The following ELF2 variants were observed in gnomAD, a reference collection of about 807,000 sequenced individuals.
ELF2 encodes ETS-related transcription factor Elf-2.
A neutral mutation model predicts 54.8 loss-of-function variants in ELF2; 11 were observed. That is an observed-to-expected ratio of 0.20 (90% CI 0.13 to 0.33). The LOEUF (loss-of-function observed/expected upper bound fraction) is 0.33. Ranked by LOEUF, ELF2 falls within the 10% of genes least tolerant of loss-of-function variation. The pLI is 1.00. For synonymous variants in ELF2, 203 were observed against 245.1 expected (o/e 0.83, Z 1.61); for missense variants, 513 against 703.0 (o/e 0.73, Z 3.06).
chr4:139,095,801 T>C (rs577373844), intron 4 of ELF2, among the ~76,000 whole-genome samples: 2 of 152,278 alleles, frequency 1.3e-5, no homozygotes, highest in South Asian at 4.1e-4. Flanking sequence ...TCCCAGCACT[T>C]TGGGAGGCCA....
At chr4:139,109,188 G>A (rs1734715362) in intron 4 of ELF2, among the ~76,000 whole-genome samples, 1 of 151,894 alleles carries the variant, frequency 6.6e-6, no homozygotes, top group South Asian at 2.1e-4. Context: ...CAACATTTTA[G>A]TTTCTTGGTC....
chr4:139,169,913 G>A (rs1411081685), intron 1 of ELF2, among the ~76,000 whole-genome samples: 2 of 149,084 alleles, frequency 1.3e-5, no homozygotes, highest in Non-Finnish European at 3.0e-5. Flanking sequence ...TATGCACATA[G>A]TTTACTACGG....
At chr4:139,072,145 G>C in intron 5 of ELF2, 106 bp from the exon 6 acceptor site, 1 of 1,124,388 alleles carries the variant, frequency 8.9e-7, no homozygotes, top group East Asian at 2.5e-5. Flanking sequence ...ATTAATCAAA[G>C]CAGGATAAGA....
rs1465849937 is a variant in ELF2, at chr4:139,062,061, T to C, written c.614-4A>G. On this transcript the variant is annotated splice_polypyrimidine_tract_variant and splice_region_variant and intron_variant, in intron 7 of 9. Coordinates refer to ENST00000686138, the MANE Select transcript of ELF2 (RefSeq NM_001331036.3). ...TCCCACAAATAGGTTGTGTTTCCTT[T>C]AAAAACAATGACAGACATTGATTAA... is the stretch of plus-strand genomic sequence containing the variant. 3 of 1,608,682 alleles carry C rather than the reference T, an allele frequency of 1.9e-6. No homozygotes were observed. The African/African-American group carries it at 4.0e-5, about 22-fold the overall frequency.
intron 4 of ELF2, 116 bp from the exon 5 acceptor site, chr4:139,073,683 A>G (rs1014458760): frequency 2.0e-6 from 1 of 488,108 alleles, no homozygotes; most frequent in Non-Finnish European, 3.4e-6. Flanking sequence ...AAATAAATAT[A>G]AAATAACATG....
chr4:139,107,682 A>G (rs1734553724), intron 4 of ELF2, among the ~76,000 whole-genome samples: 1 of 152,174 alleles, frequency 6.6e-6, no homozygotes. Context: ...AGCTAAACAG[A>G]CTTCTATTAG....
At chr4:139,105,120 A>G (rs1249629107) in intron 4 of ELF2, among the ~76,000 whole-genome samples, 1 of 152,238 alleles carries the variant, frequency 6.6e-6, no homozygotes, top group Non-Finnish European at 1.5e-5. Flanking sequence ...GTCATATGGA[A>G]AGGGAGAGGA....
chr4:139,085,563 T>G (rs977045954), intron 4 of ELF2, among the ~76,000 whole-genome samples: 1 of 152,216 alleles, frequency 6.6e-6, no homozygotes, highest in African/African-American at 2.4e-5. Context: ...AGCCCATGAC[T>G]ATTTTTTCTC....
At chr4:139,121,386 G>A (rs1412658665) in intron 4 of ELF2, among the ~76,000 whole-genome samples, 2 of 151,888 alleles carry the variant, frequency 1.3e-5, no homozygotes, top group Non-Finnish European at 2.9e-5. Context: ...GGGATTACAG[G>A]TGTGAACCAC....
chr4:139,130,066 T>TC (rs757358763), intron 3 of ELF2, among the ~76,000 whole-genome samples: 10 of 152,054 alleles, frequency 6.6e-5, no homozygotes, highest in Non-Finnish European at 1.3e-4. Context: ...TCTGACTATG[T>TC]CCTTACAAAA....
intron 1 of ELF2, among the ~76,000 whole-genome samples, chr4:139,144,944 G>GC (rs1349512891): frequency 6.6e-6 from 1 of 152,180 alleles, no homozygotes; most frequent in Non-Finnish European, 1.5e-5. Flanking sequence ...ACTTTGGGGA[G>GC]CCCTATGGCC....
At chr4:139,111,851 A>C (rs1734976353) in intron 4 of ELF2, among the ~76,000 whole-genome samples, 1 of 152,238 alleles carries the variant, frequency 6.6e-6, no homozygotes, top group Non-Finnish European at 1.5e-5. Context: ...CTGGAGAGGT[A>C]GACAACTTAG....
chr4:139,125,099 A>G, intron 4 of ELF2, 65 bp downstream of exon 4: 1 of 1,546,738 alleles, frequency 6.5e-7, no homozygotes, highest in African/African-American at 1.4e-5. Flanking sequence ...TCATCTGGCA[A>G]TAGTATTGTT....
At chr4:139,171,041 C>T (rs1289464011) in intron 1 of ELF2, among the ~76,000 whole-genome samples, 5 of 152,084 alleles carry the variant, frequency 3.3e-5, no homozygotes, top group African/African-American at 7.2e-5. Context: ...CCACCGCACC[C>T]AGCCCAAACA....
At chr4:139,106,873 G>A (rs777294259) in intron 4 of ELF2, among the ~76,000 whole-genome samples, 7 of 150,914 alleles carry the variant, frequency 4.6e-5, no homozygotes, top group South Asian at 2.1e-4. Flanking sequence ...CCTCCCAAGC[G>A]GCTCAGATTA....
At position 139,121,239 on chromosome 4, in the gene ELF2, G is replaced by A. The variant is rs908091108; in HGVS notation, c.238+3925C>T. ...TTCTCCTGCCTCAGCCTCCCGAGTA[G>A]CTGGGACTACAGGCGCCCGCTACCA... On this transcript the variant is annotated intron_variant, in intron 4 of 9. Transcript: ENST00000686138. Among the ~76,000 whole-genome samples, 3 of 149,822 alleles carry A rather than the reference G, an allele frequency of 2.0e-5. No individual in the cohort carries two copies. In the East Asian group the frequency reaches 5.9e-4, roughly 29 times the overall value.
At chr4:139,155,776 G>A (rs1195847557) in intron 1 of ELF2, among the ~76,000 whole-genome samples, 5 of 152,134 alleles carry the variant, frequency 3.3e-5, no homozygotes, top group Non-Finnish European at 7.4e-5. Flanking sequence ...GTCGTTTTGA[G>A]GAAAACCAAG....
At position 139,072,015 on chromosome 4, in the gene ELF2, A is replaced by C. The variant is rs376069117; in HGVS notation, c.377T>G (p.Val126Gly). Reference protein sequence around the residue: ...SPVEVFVPPCVSTPEFIHAAM... With the variant: ...SPVEVFVPPCGSTPEFIHAAM... The stretch of plus-strand genomic sequence containing the variant: ...AGCATGGATGAATTCTGGAGTTGAT[A>C]CACAAGGAGGAACAAACACTTCCAC... The change falls in exon 6 of 10, where the codon GTA (valine) becomes GGA (glycine). Residue 126 changes from valine (V) to glycine (G), a missense_variant. This residue lies in a region of ELF2 where 203 missense variants were observed against 245.9 expected (regional missense o/e 0.83). Coordinates refer to ENST00000686138, the MANE Select transcript of ELF2 (RefSeq NM_001331036.3). The C allele has an allele frequency of 2.5e-6, 4 of 1,608,990 alleles. No homozygotes were observed. The African/African-American group carries it at 5.4e-5, about 22-fold the overall frequency.
At chr4:139,139,282 A>G in intron 2 of ELF2, 131 bp downstream of exon 2, 1 of 434,074 alleles carries the variant, frequency 2.3e-6, no homozygotes, top group Non-Finnish European at 3.6e-6. Flanking sequence ...TCTTATAAAC[A>G]TAAAATGGAA....
Sources: gnomAD v4.1 joint callset for allele counts (sites outside exome capture counted in the v4.1 genomes callset) on GRCh38, gnomAD v4.1.1 for gene constraint, gnomAD v4.1.1 regional missense constraint, MANE v1.5 for transcripts, NCBI Gene and HGNC (gene_info 2026-07-23, HGNC 2026-07-21) for gene names.